The following CCDC192 variants were observed in gnomAD, a reference collection of about 807,000 sequenced individuals.
CCDC192 encodes the protein coiled-coil domain-containing protein 192.
intron 3 of CCDC192, among the ~76,000 whole-genome samples, chr5:127,756,485 C>T (rs929674874): frequency 5.9e-5 from 9 of 152,122 alleles, no homozygotes; most frequent in African/African-American, 1.9e-4. Context: ...GTCTTCTGTT[C>T]CTGGGTGCGA....
rs1752543395 is a variant in CCDC192, at chr5:127,729,906, C to T, written c.114+22146C>T. Among the ~76,000 whole-genome samples the T allele has an allele frequency of 2.0e-5, 3 of 152,086 alleles. No homozygotes were observed. The South Asian group carries it at 6.2e-4, about 32-fold the overall frequency. Reference sequence around the variant, plus strand: ...GGAAATTTCCAGCACTAAATGCCCACATCAAAAAAGATTAGAAAGATCTCA... The same window carrying T: ...GGAAATTTCCAGCACTAAATGCCCATATCAAAAAAGATTAGAAAGATCTCA... On this transcript the variant is annotated intron_variant, in intron 2 of 6. Coordinates refer to ENST00000514853, the MANE Select transcript of CCDC192 (RefSeq NM_001317938.2).
chr5:127,780,814 G>T (rs1040176490), intron 3 of CCDC192, among the ~76,000 whole-genome samples: 4 of 152,126 alleles, frequency 2.6e-5, no homozygotes, highest in Non-Finnish European at 4.4e-5. Flanking sequence ...CCATGCAAAA[G>T]CTCTTTAGTT....
intron 5 of CCDC192, among the ~76,000 whole-genome samples, chr5:127,872,459 C>T (rs918176773): frequency 2.0e-5 from 3 of 152,148 alleles, no homozygotes; most frequent in African/African-American, 7.2e-5. Context: ...TGTCCATTTA[C>T]TCATGTGCTG....
At chr5:127,924,716 C>G (rs561649853) in intron 6 of CCDC192, among the ~76,000 whole-genome samples, 1 of 152,262 alleles carries the variant, frequency 6.6e-6, no homozygotes, top group African/African-American at 2.4e-5. Flanking sequence ...TCAGACCTGT[C>G]TGAACAATGG....
intron 2 of CCDC192, among the ~76,000 whole-genome samples, chr5:127,753,132 C>G (rs1754330139): frequency 6.6e-6 from 1 of 152,106 alleles, no homozygotes; most frequent in Non-Finnish European, 1.5e-5. Context: ...CATCTTGGCT[C>G]CTCGCAGTTC....
At chr5:127,789,978 G>A (rs1756771247) in intron 3 of CCDC192, among the ~76,000 whole-genome samples, 5 of 152,188 alleles carry the variant, frequency 3.3e-5, no homozygotes, top group Admixed American at 3.3e-4. Context: ...CAGAACCCTG[G>A]GGGAGAGATC....
At chr5:127,888,694 A>G (rs1275213262) in intron 6 of CCDC192, among the ~76,000 whole-genome samples, 1 of 152,218 alleles carries the variant, frequency 6.6e-6, no homozygotes, top group Non-Finnish European at 1.5e-5. Context: ...ACTTAACTCC[A>G]CAAATCTAAG....
chr5:127,806,699 C>T (rs1166964172), intron 5 of CCDC192, among the ~76,000 whole-genome samples: 1 of 152,104 alleles, frequency 6.6e-6, no homozygotes, highest in Non-Finnish European at 1.5e-5. Flanking sequence ...CTCAGCTCTT[C>T]CCCACTCTGA....
At chr5:127,830,350 A>G (rs778555558) in intron 5 of CCDC192, among the ~76,000 whole-genome samples, 1 of 152,192 alleles carries the variant, frequency 6.6e-6, no homozygotes, top group Non-Finnish European at 1.5e-5. Flanking sequence ...GGCTGCCATA[A>G]CAACATGCCA....
At chr5:127,919,943 G>A (rs1753661672) in intron 6 of CCDC192, among the ~76,000 whole-genome samples, 1 of 152,194 alleles carries the variant, frequency 6.6e-6, no homozygotes, top group Admixed American at 6.5e-5. Context: ...TTGGCTAGCA[G>A]CCACTTACTC....
intron 6 of CCDC192, among the ~76,000 whole-genome samples, chr5:127,891,669 A>C (rs1308844288): frequency 6.6e-6 from 1 of 152,154 alleles, no homozygotes; most frequent in Admixed American, 6.5e-5. Flanking sequence ...CTCTGTAAAA[A>C]CTTCCTTTGA....
chr5:127,931,481 A>C (rs2126309516), intron 6 of CCDC192, among the ~76,000 whole-genome samples: 1 of 152,310 alleles, frequency 6.6e-6, no homozygotes, highest in African/African-American at 2.4e-5. Flanking sequence ...CCAGCACAAT[A>C]GATGTGCTCT....
intron 2 of CCDC192, among the ~76,000 whole-genome samples, chr5:127,716,942 T>C (rs745727416): frequency 2.0e-4 from 30 of 152,188 alleles, no homozygotes; most frequent in Non-Finnish European, 3.8e-4. Context: ...CAGACTCTGT[T>C]TCCTGGAACC....
chr5:127,905,963 A>G (rs1274963335), intron 6 of CCDC192, among the ~76,000 whole-genome samples: 1 of 152,242 alleles, frequency 6.6e-6, no homozygotes, highest in Non-Finnish European at 1.5e-5. Context: ...GTCAAAGGCA[A>G]GCTGGATTTG....
chr5:127,817,518 A>G (rs941383521), intron 5 of CCDC192, among the ~76,000 whole-genome samples: 6 of 152,244 alleles, frequency 3.9e-5, no homozygotes, highest in Non-Finnish European at 8.8e-5. Flanking sequence ...TACTGTGTTA[A>G]GTGAAAGAAG....
chr5:127,754,230 A>C, intron 2 of CCDC192, 38 bp from the exon 3 acceptor site: 1 of 397,998 alleles, frequency 2.5e-6, no homozygotes, highest in Non-Finnish European at 4.4e-6. Flanking sequence ...CAAACTATCC[A>C]TGTCAAAAAG....
chr5:127,746,205 C>G (rs1039803815), intron 2 of CCDC192, among the ~76,000 whole-genome samples: 31 of 152,188 alleles, frequency 2.0e-4, no homozygotes, highest in African/African-American at 6.5e-4. Flanking sequence ...TCAGGTCTTT[C>G]TCTGTCCTAA....
chr5:127,791,145 G>A (rs1203702497), intron 3 of CCDC192, among the ~76,000 whole-genome samples: 2 of 152,152 alleles, frequency 1.3e-5, no homozygotes, highest in East Asian at 1.9e-4. Context: ...AAAGAGAATG[G>A]ACAACATTCA....
chr5:127,856,877 A>G (rs1435451755), intron 5 of CCDC192, among the ~76,000 whole-genome samples: 1 of 152,178 alleles, frequency 6.6e-6, no homozygotes, highest in African/African-American at 2.4e-5. Flanking sequence ...GTAATATCAA[A>G]GATCACTGAT....
Sources: gnomAD v4.1 joint callset for allele counts (sites outside exome capture counted in the v4.1 genomes callset) on GRCh38, gnomAD v4.1.1 for gene constraint, MANE v1.5 for transcripts, NCBI Gene and HGNC (gene_info 2026-07-23, HGNC 2026-07-21) for gene names.